Variants in ZDHHC23 observed in about 807,000 individuals in gnomAD.
The protein encoded by ZDHHC23 is palmitoyltransferase ZDHHC23.
Under a neutral mutation model 40.2 loss-of-function variants are expected in ZDHHC23, and 41 were observed. That is an observed-to-expected ratio of 1.02 (90% CI 0.79 to 1.32). ZDHHC23 has a LOEUF of 1.32. ZDHHC23 is among the 40% of genes most tolerant of loss of function. The probability of loss-of-function intolerance (pLI) is 0.00; values close to 1 mark genes in which losing one functional copy is unlikely to be tolerated. For missense variants in ZDHHC23, 471 were observed against 541.5 expected (o/e 0.87, Z 1.29); for synonymous variants, 204 against 210.2 (o/e 0.97, Z 0.26).
At chr3:113,950,422 CCTT>C (rs1235237461) in intron 2 of ZDHHC23, among the ~76,000 whole-genome samples, 1 of 152,052 alleles carries the variant, frequency 6.6e-6, no homozygotes, top group South Asian at 2.1e-4. Context: ...ATAGATGACA[CCTT>C]CTTGGTGTGT....
chr3:113,966,467 C>CT (rs1217974434), downstream of ZDHHC23, among the ~76,000 whole-genome samples: 6 of 152,152 alleles, frequency 3.9e-5, no homozygotes, highest in Admixed American at 3.3e-4. Flanking sequence ...GCACAGAGGA[C>CT]TACCCAGTCT....
chr3:113,979,259 A>C, the ZDHHC23 span, among the ~76,000 whole-genome samples: 1 of 152,180 alleles, frequency 6.6e-6, no homozygotes, highest in South Asian at 2.1e-4. Context: ...GGTTATGGAA[A>C]TGGAACAACC....
At chr3:113,977,252 G>A in the ZDHHC23 span, among the ~76,000 whole-genome samples, 7 of 152,152 alleles carry the variant, frequency 4.6e-5, no homozygotes, top group African/African-American at 1.4e-4. Flanking sequence ...TCATGCCACT[G>A]CACTTCAGCC....
the ZDHHC23 span, among the ~76,000 whole-genome samples, chr3:113,972,063 T>C: frequency 2.0e-5 from 3 of 152,210 alleles, no homozygotes; most frequent in East Asian, 5.8e-4. Context: ...AGAAAAAGTC[T>C]CAATTCATTT....
Position 113,958,750 on chromosome 3 carries a change from G to A in ZDHHC23, c.*120G>A. ...TAAAGGCATTATAGGGCCATGCTCA[G>A]GTTTAGAGACTGGAGTGGGAAGAAG... On this transcript the variant is annotated 3_prime_UTR_variant, in exon 5 of 5. Coordinates refer to ENST00000638807, the MANE Select transcript of ZDHHC23 (RefSeq NM_001320466.2). 2 of 1,577,214 alleles carry A rather than the reference G, an allele frequency of 1.3e-6. No individual in the cohort carries two copies. Among genetic ancestry groups the A allele is most frequent in the Non-Finnish European group, 1.7e-6 (2 of 1,167,042 alleles).
At chr3:113,953,665 A>G (rs1938895362) in intron 2 of ZDHHC23, 35 bp from the exon 3 acceptor site, 1 of 1,566,370 alleles carries the variant, frequency 6.4e-7, no homozygotes, top group South Asian at 1.2e-5. Flanking sequence ...ACAAACCCAC[A>G]TGAAGTCCCT....
rs759159458 is a variant in ZDHHC23, at chr3:113,953,990, A to G, written c.452A>G (p.Tyr151Cys). The change falls in exon 3 of 5, where the codon TAC becomes TGC. Residue 151 changes from tyrosine (Y) to cysteine (C), a missense_variant. Tyr to Cys is a radical substitution (Grantham distance 194). Around this residue, in one of 3 missense-constraint regions of ZDHHC23, gnomAD observed 346 missense variants for 399.8 expected, o/e 0.87. Transcript: ENST00000638807. ...FLSLGLFSLGYMYYVFLQEVV... is the reference protein window; with the variant it reads ...FLSLGLFSLGCMYYVFLQEVV... ...AGCCTTGGACTGTTCTCTCTGGGCT[A>G]CATGTACTATGTGTTCCTGCAGGAA... 1.9e-6 allele frequency: 3 copies of G among 1,614,168 alleles called. No individual in the cohort carries two copies. The highest frequency in any genetic ancestry group is 3.3e-5 in the Admixed American group (2 of 60,018).
In ZDHHC23 at chr3:113,958,533, A is replaced by G. The variant is rs755288375; in HGVS notation, c.1211A>G (p.Asp404Gly). ...GRRLLCGLIV[D>G]TGQYNRGFLR... ...CGGCTCCTCTGCGGGCTCATCGTGGACACAGGCCAGTACAATAGGGGCTTC... is the reference window on the plus strand; with the variant it reads ...CGGCTCCTCTGCGGGCTCATCGTGGGCACAGGCCAGTACAATAGGGGCTTC... The change falls in exon 5 of 5, where the codon GAC (aspartate) becomes GGC (glycine). Residue 404 changes from aspartate to glycine, a missense_variant. Asp to Gly is a moderately conservative substitution (Grantham distance 94). Coordinates refer to ENST00000638807, the MANE Select transcript of ZDHHC23 (RefSeq NM_001320466.2). The G allele has an allele frequency of 6.2e-7, 1 of 1,613,330 alleles. No individual in the cohort carries two copies. The highest frequency in any genetic ancestry group is 8.5e-7 in the Non-Finnish European group (1 of 1,180,014).
chr3:113,966,287 GTGTC>G (rs1478393410), downstream of ZDHHC23, among the ~76,000 whole-genome samples: 4 of 152,174 alleles, frequency 2.6e-5, no homozygotes, highest in African/African-American at 9.7e-5. Flanking sequence ...GTTTAAGTGA[GTGTC>G]TGTGCTGTCA....
chr3:113,971,064 C>G, the ZDHHC23 span, among the ~76,000 whole-genome samples: 1 of 152,140 alleles, frequency 6.6e-6, no homozygotes, highest in Non-Finnish European at 1.5e-5. Flanking sequence ...GATTTATAAT[C>G]CTTTGGGTAT....
rs766258173 is a variant in ZDHHC23, at chr3:113,954,230, G to T, written c.692G>T (p.Gly231Val). Residue 231 changes from glycine (G) to valine (V), a missense_variant, in exon 3 of 5, where the codon GGC (glycine) becomes GTC (valine). Physicochemically the swap from Gly to Val is moderately radical, Grantham distance 109 (BLOSUM62 -3). Around this residue, in one of 3 missense-constraint regions of ZDHHC23, gnomAD observed 346 missense variants for 399.8 expected, o/e 0.87. Coordinates refer to ENST00000638807, the MANE Select transcript of ZDHHC23 (RefSeq NM_001320466.2). The stretch of plus-strand genomic sequence containing the variant: ...GGGTTCCCTGGGGCAGACATGTCGG[G>T]CAGTCTCAACAATCGCACAACAAAG... ...TKGFPGADMS[G>V]SLNNRTTKDD... The T allele has an allele frequency of 1.2e-6, 2 of 1,614,214 alleles. No homozygotes were observed. The highest frequency in any genetic ancestry group is 1.7e-6 in the Non-Finnish European group (2 of 1,180,036).
the ZDHHC23 span, chr3:113,978,619 G>A: frequency 3.4e-6 from 2 of 589,274 alleles, no homozygotes; most frequent in East Asian, 2.9e-5. Flanking sequence ...AACAAAAGCT[G>A]ATGGAATGAT....
In ZDHHC23 at chr3:113,948,864, A is replaced by C. The variant is rs1938386161; in HGVS notation, c.62A>C (p.Glu21Ala). The C allele has an allele frequency of 6.2e-7, 1 of 1,614,162 alleles. No individual in the cohort carries two copies. Residue 21 changes from glutamate (E) to alanine (A), a missense_variant, in exon 2 of 5, where the codon GAG (glutamate) becomes GCG (alanine). This residue lies in a region of ZDHHC23 where 83 missense variants were observed against 67.8 expected (regional missense o/e 1.22). Transcript: ENST00000638807. ...KKKKTEEPEL[E>A]PLCCCEYIDR... is the part of the protein sequence containing the mutation. Reference sequence around the variant, plus strand: ...AAGAAAACCGAAGAACCTGAATTGGAGCCCCTGTGCTGCTGCGAGTACATA... The same window carrying C: ...AAGAAAACCGAAGAACCTGAATTGGCGCCCCTGTGCTGCTGCGAGTACATA...
chr3:113,948,604 C>T (rs1938351291), intron 1 of ZDHHC23, 82 bp from the exon 2 acceptor site: 2 of 587,426 alleles, frequency 3.4e-6, no homozygotes, highest in Admixed American at 6.0e-5. Context: ...CCTGGAGCCC[C>T]CTGTGTGGCC....
rs183711888 is a variant in ZDHHC23, at chr3:113,961,515, G to A, written c.*2885G>A. ...CTGAAATGAACTGACCATTAACAGC[G>A]CCTCTTTGATAGGTTACCCTGATGC... On this transcript the variant is annotated 3_prime_UTR_variant, in exon 5 of 5. Transcript: ENST00000638807. 1.7e-4 allele frequency: 26 copies of A among 152,730 alleles called. No homozygotes were observed. The highest frequency in any genetic ancestry group is 9.8e-4 in the Admixed American group (15 of 15,298). The allele number at this position is 152,730 out of a possible 1,614,324, so 9.5% of individuals were successfully genotyped here. A position where few individuals can be genotyped will look rare whatever the true frequency, so the allele number is the denominator to read the frequency against.
chr3:113,963,362 T>C lies in ZDHHC23; in HGVS notation c.*4732T>C, dbSNP rs374489265. 3.9e-5 allele frequency: 6 copies of C among 152,048 alleles called. No homozygotes were observed. In the South Asian group the frequency reaches 1.0e-3, roughly 26 times the overall value. The allele number at this position is 152,048 out of a possible 1,614,324, so 9.4% of individuals were successfully genotyped here. A position where few individuals can be genotyped will look rare whatever the true frequency, so the allele number is the denominator to read the frequency against. ...AGGTGAGGCAAAAATAAAGCTAAGG[T>C]AGAAAACTTAAGCTTTGTGGGATTT... On this transcript the variant is annotated 3_prime_UTR_variant, in exon 5 of 5. Coordinates refer to ENST00000638807, the MANE Select transcript of ZDHHC23 (RefSeq NM_001320466.2).
At position 113,960,363 on chromosome 3, in the gene ZDHHC23, C is replaced by T. The variant is rs1939598266; in HGVS notation, c.*1733C>T. On this transcript the variant is annotated 3_prime_UTR_variant, in exon 5 of 5. Coordinates refer to ENST00000638807, the MANE Select transcript of ZDHHC23 (RefSeq NM_001320466.2). The stretch of plus-strand genomic sequence containing the variant: ...GACTCTGGGGTTTGTACAGTGATGC[C>T]TTCTCCCTGGCCCAGAGCTGAATAT... The T allele has an allele frequency of 6.1e-6, 7 of 1,140,476 alleles. No individual in the cohort carries two copies. In the South Asian group the frequency reaches 8.7e-5, roughly 14 times the overall value. 70.6% of individuals were successfully genotyped at this position (1,140,476 alleles called of 1,614,324 possible).
rs1180117272 is a variant in ZDHHC23, at chr3:113,962,152, T to G, written c.*3522T>G. ...CAGCGGCAGCTTGACATGTGCACCC[T>G]TTTGTATTAAACACTGCAAGGGTGA... is the stretch of plus-strand genomic sequence containing the variant. On this transcript the variant is annotated 3_prime_UTR_variant, in exon 5 of 5. Transcript: ENST00000638807. 2 of 152,426 alleles carry G rather than the reference T, an allele frequency of 1.3e-5. No homozygotes were observed. Among genetic ancestry groups the G allele is most frequent in the African/African-American group, 4.8e-5 (2 of 41,446 alleles). 9.4% of individuals were successfully genotyped at this position (152,426 alleles called of 1,614,324 possible).
intron 2 of ZDHHC23, among the ~76,000 whole-genome samples, chr3:113,951,285 GCCCCA>G (rs1232463494): frequency 6.6e-6 from 1 of 152,128 alleles, no homozygotes; most frequent in Non-Finnish European, 1.5e-5. Context: ...CTCTGTGGTG[GCCCCA>G]CCCCTGTGGC....
Sources: gnomAD v4.1 joint callset for allele counts (sites outside exome capture counted in the v4.1 genomes callset) on GRCh38, gnomAD v4.1.1 for gene constraint, gnomAD v4.1.1 regional missense constraint, MANE v1.5 for transcripts, NCBI Gene and HGNC (gene_info 2026-07-23, HGNC 2026-07-21) for gene names.